Variants in NIM1K observed in about 807,000 individuals in gnomAD.
The protein encoded by NIM1K is serine/threonine-protein kinase NIM1.
NIM1K carries 35 observed loss-of-function variants against 37.1 expected under a neutral mutation model. That is an observed-to-expected ratio of 0.94 (90% CI 0.72 to 1.25). The LOEUF is 1.25. Ranked by LOEUF, NIM1K falls within the 50% of genes most tolerant of loss-of-function variation. The probability of loss-of-function intolerance (pLI) is 0.00; values close to 1 mark genes in which losing one functional copy is unlikely to be tolerated. For missense variants in NIM1K, 564 were observed against 548.0 expected (o/e 1.03, Z -0.29); for synonymous variants, 234 against 206.6 (o/e 1.13, Z -1.14).
chr5:43,244,525 C>T (rs1752749357), intron 1 of NIM1K, among the ~76,000 whole-genome samples: 1 of 152,212 alleles, frequency 6.6e-6, no homozygotes, highest in Non-Finnish European at 1.5e-5. Context: ...TTTTCCACAT[C>T]TTCAAAATAA....
rs373259060 is a variant in NIM1K, at chr5:43,206,375, C to T, written c.-695+13964C>T. 2.3e-4 allele frequency among the ~76,000 whole-genome samples: 31 copies of T among 132,150 alleles called. 1 individual carries two copies. Among genetic ancestry groups the T allele is most frequent in the Admixed American group, 1.4e-3 (18 of 12,990 alleles). 86.7% of individuals were successfully genotyped at this position (132,150 alleles called of 152,430 possible). A position where few individuals can be genotyped will look rare whatever the true frequency, so the allele number is the denominator to read the frequency against. The stretch of plus-strand genomic sequence containing the variant: ...ATTAGCCAGGAGGGGTGGTGCGTTC[C>T]TGTAGTCCCAGTTACTTGGGAAGCT... On this transcript the variant is annotated intron_variant, in intron 1 of 3. Coordinates refer to ENST00000326035, the MANE Select transcript of NIM1K (RefSeq NM_153361.4).
chr5:43,200,356 A>G (rs930848895), intron 1 of NIM1K, among the ~76,000 whole-genome samples: 3 of 152,040 alleles, frequency 2.0e-5, no homozygotes, highest in African/African-American at 7.2e-5. Flanking sequence ...GCTGGAGTGC[A>G]GTGACGCGAT....
rs1356114197 is a variant in NIM1K, at chr5:43,269,849, A to T, written c.293-7208A>T. Among the ~76,000 whole-genome samples the T allele has an allele frequency of 5.1e-4, 77 of 151,868 alleles. 1 individual carries two copies. The highest frequency in any genetic ancestry group is 5.0e-3 in the Admixed American group (76 of 15,250). On this transcript the variant is annotated intron_variant, in intron 2 of 3. Transcript: ENST00000326035. Reference sequence around the variant, plus strand: ...TAGCCAGGATGGTCTCGATCTCCTGACCTCGTGATCCACCCCCCTTGGCCT... The same window carrying T: ...TAGCCAGGATGGTCTCGATCTCCTGTCCTCGTGATCCACCCCCCTTGGCCT...
intron 1 of NIM1K, chr5:43,193,524 C>G (rs1239887990): frequency 6.6e-6 from 1 of 151,440 alleles, no homozygotes; most frequent in East Asian, 1.9e-4. Context: ...AGCTCTTACC[C>G]GTGCAGTTCT....
At chr5:43,212,706 CT>C (rs1752221893) in intron 1 of NIM1K, among the ~76,000 whole-genome samples, 1 of 152,144 alleles carries the variant, frequency 6.6e-6, no homozygotes, top group African/African-American at 2.4e-5. Flanking sequence ...GACACCAACT[CT>C]AAACGTCTGG....
chr5:43,228,859 C>A (rs1305326988), intron 1 of NIM1K, among the ~76,000 whole-genome samples: 1 of 152,004 alleles, frequency 6.6e-6, no homozygotes, highest in Non-Finnish European at 1.5e-5. Flanking sequence ...AATTAACTTT[C>A]TTTTCCTTAA....
chr5:43,278,949 G>A (rs1753395743), intron 3 of NIM1K, among the ~76,000 whole-genome samples: 1 of 152,192 alleles, frequency 6.6e-6, no homozygotes, highest in African/African-American at 2.4e-5. Flanking sequence ...CAGAGAATAA[G>A]CCAGACCCAT....
intron 1 of NIM1K, among the ~76,000 whole-genome samples, chr5:43,218,892 A>G (rs1752344935): frequency 6.6e-6 from 1 of 152,030 alleles, no homozygotes; most frequent in African/African-American, 2.4e-5. Context: ...TTGGCTGTGT[A>G]CCCACCCAAA....
Position 43,280,766 on chromosome 5 carries a change from G to A in NIM1K, c.*37G>A. On this transcript the variant is annotated 3_prime_UTR_variant, in exon 4 of 4. Transcript: ENST00000326035. Reference sequence around the variant, plus strand: ...CTGCTTGTAACTAACCAAGATGATTGTTGCTGCTTCTAAATTTTTTTCAAG... The same window carrying A: ...CTGCTTGTAACTAACCAAGATGATTATTGCTGCTTCTAAATTTTTTTCAAG... The A allele has an allele frequency of 6.7e-7, 1 of 1,494,722 alleles. No individual in the cohort carries two copies. Among genetic ancestry groups the A allele is most frequent in the East Asian group, 2.3e-5 (1 of 43,490 alleles). 92.6% of individuals were successfully genotyped at this position (1,494,722 alleles called of 1,614,324 possible). A position where few individuals can be genotyped will look rare whatever the true frequency, so the allele number is the denominator to read the frequency against.
chr5:43,264,204 T>C lies in NIM1K; in HGVS notation c.293-12853T>C, dbSNP rs376937908. Among the ~76,000 whole-genome samples, 11 of 152,332 alleles carry C rather than the reference T, an allele frequency of 7.2e-5. No individual in the cohort carries two copies. In the East Asian group the frequency reaches 7.7e-4, roughly 11 times the overall value. ...TAACTTTCTGTCTCATTGATCTGTC[T>C]AATGTTGACAGTGGGGTGTCAAAGC... On this transcript the variant is annotated intron_variant, in intron 2 of 3. Coordinates refer to ENST00000326035, the MANE Select transcript of NIM1K (RefSeq NM_153361.4).
At chr5:43,224,861 A>G (rs781357947) in intron 1 of NIM1K, among the ~76,000 whole-genome samples, 10 of 152,002 alleles carry the variant, frequency 6.6e-5, no homozygotes, top group Non-Finnish European at 1.5e-4. Context: ...ACACCCAGCT[A>G]ATTTTTGTAT....
At chr5:43,247,080 T>C (rs940940863) in intron 2 of NIM1K, among the ~76,000 whole-genome samples, 1 of 151,828 alleles carries the variant, frequency 6.6e-6, no homozygotes, top group Non-Finnish European at 1.5e-5. Flanking sequence ...CCCAATCCCA[T>C]GCCCCTCCAA....
At position 43,239,641 on chromosome 5, in the gene NIM1K, C is replaced by T. The variant is rs187165861; in HGVS notation, c.-694-5441C>T. ...TCCCAGGTTCAAGTGATTCTCCTGCCTTAGCCTCCCAAGTAGCTGGGATTA... is the reference window on the plus strand; with the variant it reads ...TCCCAGGTTCAAGTGATTCTCCTGCTTTAGCCTCCCAAGTAGCTGGGATTA... On this transcript the variant is annotated intron_variant, in intron 1 of 3. Transcript: ENST00000326035. Among the ~76,000 whole-genome samples the T allele has an allele frequency of 5.1e-3, 782 of 151,998 alleles. 11 individuals are homozygous for T. Among genetic ancestry groups the T allele is most frequent in the Non-Finnish European group, 3.2e-3 (221 of 68,010 alleles).
At chr5:43,258,825 T>G (rs1041935350) in intron 2 of NIM1K, among the ~76,000 whole-genome samples, 1 of 152,120 alleles carries the variant, frequency 6.6e-6, no homozygotes, top group African/African-American at 2.4e-5. Flanking sequence ...TTGGTTACAA[T>G]GATGAACTGT....
intron 1 of NIM1K, among the ~76,000 whole-genome samples, chr5:43,230,145 G>A (rs1254587637): frequency 2.0e-5 from 3 of 152,066 alleles, no homozygotes; most frequent in Non-Finnish European, 4.4e-5. Context: ...AACAAAAGTT[G>A]AAACAATAAA....
At chr5:43,202,730 C>T (rs953350548) in intron 1 of NIM1K, among the ~76,000 whole-genome samples, 1 of 152,134 alleles carries the variant, frequency 6.6e-6, no homozygotes, top group Non-Finnish European at 1.5e-5. Flanking sequence ...CTAAGCAGCG[C>T]TGAAGAAAAA....
intron 1 of NIM1K, chr5:43,206,631 C>G: frequency 1.5e-6 from 1 of 667,708 alleles, no homozygotes; most frequent in Non-Finnish European, 2.8e-6. Flanking sequence ...GCAGCGCACT[C>G]CCTGCCTGCT....
chr5:43,234,242 T>TTCATTCA (rs1752584431), intron 1 of NIM1K, among the ~76,000 whole-genome samples: 2 of 151,144 alleles, frequency 1.3e-5, no homozygotes, highest in Non-Finnish European at 1.5e-5. Flanking sequence ...CGTGTCATTC[T>TTCATTCA]TTCATTCATT....
At chr5:43,230,166 A>AGAT (rs1752517029) in intron 1 of NIM1K, among the ~76,000 whole-genome samples, 1 of 152,176 alleles carries the variant, frequency 6.6e-6, no homozygotes, top group Non-Finnish European at 1.5e-5. Context: ...GGCTTAAAGA[A>AGAT]GATAGAATCT....
Sources: allele counts gnomAD v4.1 joint callset (sites outside exome capture counted in the v4.1 genomes callset), GRCh38; gene constraint gnomAD v4.1.1; transcripts MANE v1.5; gene names NCBI Gene and HGNC (gene_info 2026-07-23, HGNC 2026-07-21).